The following BTBD8 variants were observed in gnomAD, a reference collection of about 807,000 sequenced individuals.
The protein encoded by BTBD8 is BTB/POZ domain-containing protein 8.
A neutral mutation model predicts 162.9 loss-of-function variants in BTBD8; 110 were observed. That is an observed-to-expected ratio of 0.68 (90% CI 0.58 to 0.79). The LOEUF (loss-of-function observed/expected upper bound fraction) is 0.79, where lower values mean the gene tolerates loss of function less well. Ranked by LOEUF, BTBD8 falls within the 30% of genes least tolerant of loss-of-function variation. BTBD8 has a pLI of 0.00. For missense variants in BTBD8, 1,905 were observed against 2,085.4 expected, an observed-to-expected ratio of 0.91 and a Z score of 1.68; for synonymous variants, 667 against 716.1, an observed-to-expected ratio of 0.93 and a Z score of 1.10.
chr1:92,111,309 G>T (rs1208445067), intron 4 of BTBD8, among the ~76,000 whole-genome samples: 1 of 152,008 alleles, frequency 6.6e-6, no homozygotes, highest in Non-Finnish European at 1.5e-5. Flanking sequence ...TTTCTAACTT[G>T]AGCTTTGTGA....
At chr1:92,122,222 A>T (rs1649228811) in intron 4 of BTBD8, among the ~76,000 whole-genome samples, 1 of 151,708 alleles carries the variant, frequency 6.6e-6, no homozygotes. Context: ...TCTCCTGTTG[A>T]TGGAATATTG....
chr1:92,115,326 G>T, intron 4 of BTBD8: 1 of 454,338 alleles, frequency 2.2e-6, no homozygotes, highest in South Asian at 1.8e-5. Context: ...GGATGATCTT[G>T]ACCAGGGAGC....
chr1:92,128,197 A>G (rs999001967), intron 4 of BTBD8, among the ~76,000 whole-genome samples: 10 of 151,160 alleles, frequency 6.6e-5, no homozygotes, highest in Non-Finnish European at 8.8e-5. Context: ...GCTCACTGCA[A>G]CCTCCACCTC....
chr1:92,081,021 T>G (rs893428181), intron 1 of BTBD8, among the ~76,000 whole-genome samples: 1 of 152,228 alleles, frequency 6.6e-6, no homozygotes, highest in African/African-American at 2.4e-5. Context: ...CTTAGTTGTT[T>G]CCAATCACTA....
rs745483750 is a variant in BTBD8, at chr1:92,129,828, T to G, written c.752+52T>G. 23 of 1,453,176 alleles carry G rather than the reference T, an allele frequency of 1.6e-5. No homozygotes were observed. The African/African-American group carries it at 3.1e-4, about 19-fold the overall frequency. 90.0% of individuals were successfully genotyped at this position (1,453,176 alleles called of 1,614,324 possible). A position where few individuals can be genotyped will look rare whatever the true frequency, so the allele number is the denominator to read the frequency against. Reference sequence around the variant, plus strand: ...GACTGCAAATGATTGTAAATTGTATTTCATACAAAGCACTTTTTATGAATC... The same window carrying G: ...GACTGCAAATGATTGTAAATTGTATGTCATACAAAGCACTTTTTATGAATC... On this transcript the variant is annotated intron_variant, in intron 5 of 17. Coordinates refer to ENST00000636805, the MANE Select transcript of BTBD8 (RefSeq NM_001376131.1).
chr1:92,145,386 G>A (rs181820815), intron 7 of BTBD8, among the ~76,000 whole-genome samples: 1 of 152,252 alleles, frequency 6.6e-6, no homozygotes, highest in East Asian at 1.9e-4. Flanking sequence ...GGACTATGCT[G>A]GAGACATTTC....
intron 3 of BTBD8, among the ~76,000 whole-genome samples, chr1:92,107,466 A>G (rs986020149): frequency 6.6e-6 from 1 of 152,162 alleles, no homozygotes; most frequent in African/African-American, 2.4e-5. Context: ...ACAGTTGCCA[A>G]CACTATTCAT....
chr1:92,122,622 G>A lies in BTBD8; in HGVS notation c.663-7065G>A, dbSNP rs143050641. On this transcript the variant is annotated intron_variant, in intron 4 of 17. Transcript: ENST00000636805. ...TCTGTAGCCCAGGCTGGAGTGCAGT[G>A]GCATGATCTCGGCTCACTACAAGCC... is the stretch of plus-strand genomic sequence containing the variant. Among the ~76,000 whole-genome samples, 1,369 of 151,842 alleles carry A rather than the reference G, an allele frequency of 9.0e-3. 17 individuals are homozygous for A. The highest frequency in any genetic ancestry group is 0.031 in the African/African-American group (1,287 of 41,392).
At chr1:92,152,723 T>C (rs866199066) in intron 9 of BTBD8, among the ~76,000 whole-genome samples, 10 of 152,278 alleles carry the variant, frequency 6.6e-5, no homozygotes, top group Non-Finnish European at 2.9e-5. Context: ...CATCAAACTA[T>C]GCCTCTCCCA....
At chr1:92,140,164 G>A (rs1313327561) in intron 6 of BTBD8, among the ~76,000 whole-genome samples, 1 of 150,702 alleles carries the variant, frequency 6.6e-6, no homozygotes, top group Non-Finnish European at 1.5e-5. Flanking sequence ...GCTCACACCT[G>A]TAATCCCAGC....
intron 2 of BTBD8, among the ~76,000 whole-genome samples, chr1:92,092,303 T>A (rs1648329234): frequency 6.6e-6 from 1 of 150,826 alleles, no homozygotes; most frequent in Admixed American, 6.6e-5. Context: ...CTCAGAAGGC[T>A]GAGGTAGGAG....
chr1:92,138,506 C>A (rs1000586465), intron 5 of BTBD8, among the ~76,000 whole-genome samples: 1 of 152,222 alleles, frequency 6.6e-6, no homozygotes, highest in African/African-American at 2.4e-5. Context: ...TAAAACAGCT[C>A]ACCTGAGAGA....
At chr1:92,117,397 A>C (rs1226812328) in intron 4 of BTBD8, among the ~76,000 whole-genome samples, 1 of 151,512 alleles carries the variant, frequency 6.6e-6, no homozygotes, top group Non-Finnish European at 1.5e-5. Context: ...GATCAGCTTC[A>C]TGTTTATGAA....
Position 92,100,990 on chromosome 1 carries a change from T to G in BTBD8, c.348-1483T>G, listed in dbSNP as rs141439943. On this transcript the variant is annotated intron_variant, in intron 2 of 17. Transcript: ENST00000636805. ...TGTTTGGTTACATTAATAAGTTCTT[T>G]AGTGGTGATTTCTGAGATTTTGGTA... Among the ~76,000 whole-genome samples, 204 of 152,256 alleles carry G rather than the reference T, an allele frequency of 1.3e-3. 2 individuals carry two copies. In the East Asian group the frequency reaches 0.032, roughly 24 times the overall value.
chr1:92,139,932 C>CTAAAAAAAAAA (rs1649728825), intron 6 of BTBD8: 1 of 18,216 alleles, frequency 5.5e-5, no homozygotes, highest in African/African-American at 1.6e-4. Context: ...ACTAAAAATA[C>CTAAAAAAAAAA]AAAAAAAAAA....
intron 4 of BTBD8, among the ~76,000 whole-genome samples, chr1:92,121,761 T>C (rs1399693932): frequency 6.6e-6 from 1 of 152,140 alleles, no homozygotes; most frequent in Non-Finnish European, 1.5e-5. Context: ...AGGCAACAAA[T>C]GATTTTCATG....
Position 92,177,072 on chromosome 1 carries a change from G to A in BTBD8, c.1879G>A (p.Gly627Arg), listed in dbSNP as rs906050982. ...GATTACAAAAGAACTAAAAACTGGG[G>A]GAAAAAATGTTTCTGGAAAGCCCAA... ...SKITKELKTG[G>R]KNVSGKPKTV... The change falls in exon 14 of 18, where the codon GGA becomes AGA. Residue 627 changes from glycine to arginine, a missense_variant. This residue lies in a region of BTBD8 where 1,374 missense variants were observed against 1,442.7 expected (regional missense o/e 0.95). Coordinates refer to ENST00000636805, the MANE Select transcript of BTBD8 (RefSeq NM_001376131.1). 2.6e-6 allele frequency: 4 copies of A among 1,551,208 alleles called. No individual in the cohort carries two copies. In the African/African-American group the frequency reaches 4.1e-5, roughly 16 times the overall value.
intron 5 of BTBD8, among the ~76,000 whole-genome samples, chr1:92,135,248 C>T (rs952607912): frequency 3.4e-5 from 5 of 148,914 alleles, no homozygotes; most frequent in East Asian, 2.0e-4. Flanking sequence ...TGCAGTTGCG[C>T]GAACTTGGCT....
chr1:92,136,678 A>ATGTGATAATGGAAGTGTGTG (rs1257468925), intron 5 of BTBD8, among the ~76,000 whole-genome samples: 2 of 152,252 alleles, frequency 1.3e-5, no homozygotes, highest in African/African-American at 4.8e-5. Context: ...AGTTTGATAA[A>ATGTGATAATGGAAGTGTGTG]TGTGATAATG....
Sources: allele counts gnomAD v4.1 joint callset (sites outside exome capture counted in the v4.1 genomes callset), GRCh38; gene constraint gnomAD v4.1.1; regional missense constraint gnomAD v4.1.1; transcripts MANE v1.5; gene names NCBI Gene and HGNC (gene_info 2026-07-23, HGNC 2026-07-21).